CACNG2: variants seen among roughly 807,000 people sequenced by gnomAD.
CACNG2 encodes calcium voltage-gated channel auxiliary subunit gamma 2.
In CACNG2, 3 loss-of-function variants were observed where a neutral mutation model predicts 25.9. The observed-to-expected ratio is 0.12, with a 90% confidence interval of 0.05 to 0.30. The LOEUF is 0.30. Among genes scored for constraint, CACNG2 ranks in the 10% least tolerant of loss-of-function variants. The probability of loss-of-function intolerance (pLI) is 1.00; values close to 1 mark genes in which losing one functional copy is unlikely to be tolerated. For missense variants in CACNG2, 341 were observed against 432.5 expected, an observed-to-expected ratio of 0.79 and a Z score of 1.88; for synonymous variants, 167 against 173.3, an observed-to-expected ratio of 0.96 and a Z score of 0.29.
chr22:36,634,884 C>A lies in CACNG2; in HGVS notation c.212-47336G>T, dbSNP rs73884118. 5.5e-3 allele frequency among the ~76,000 whole-genome samples: 833 copies of A among 152,278 alleles called. 8 individuals are homozygous for A. Among genetic ancestry groups the A allele is most frequent in the African/African-American group, 0.019 (793 of 41,552 alleles). On this transcript the variant is annotated intron_variant, in intron 1 of 3. Coordinates refer to ENST00000300105, the MANE Select transcript of CACNG2 (RefSeq NM_006078.5). Reference sequence around the variant, plus strand: ...TGGAGTGAATGTCTCTGGGATTAACCATGAGAATTCAGAGGAAGAAGGTCC... The same window carrying A: ...TGGAGTGAATGTCTCTGGGATTAACAATGAGAATTCAGAGGAAGAAGGTCC...
intron 1 of CACNG2, among the ~76,000 whole-genome samples, chr22:36,636,293 G>A (rs913682327): frequency 2.0e-5 from 3 of 152,008 alleles, no homozygotes; most frequent in African/African-American, 7.3e-5. Flanking sequence ...TTACAAGCCC[G>A]TTCCTTCCCC....
intron 1 of CACNG2, among the ~76,000 whole-genome samples, chr22:36,596,018 C>G (rs1935672938): frequency 6.6e-6 from 1 of 152,230 alleles, no homozygotes; most frequent in African/African-American, 2.4e-5. Flanking sequence ...TGTCTTGTTT[C>G]TTTAGATACA....
intron 1 of CACNG2, among the ~76,000 whole-genome samples, chr22:36,646,380 T>C (rs1936524654): frequency 6.6e-6 from 1 of 152,178 alleles, no homozygotes; most frequent in African/African-American, 2.4e-5. Context: ...CAAGACCTTG[T>C]CTGCGAGCTG....
At chr22:36,605,023 C>T (rs900599732) in intron 1 of CACNG2, among the ~76,000 whole-genome samples, 20 of 152,170 alleles carry the variant, frequency 1.3e-4, no homozygotes, top group Admixed American at 1.0e-3. Flanking sequence ...AATCCTCCTG[C>T]CTCAGCCTCT....
intron 1 of CACNG2, among the ~76,000 whole-genome samples, chr22:36,633,407 G>A (rs1437727762): frequency 1.3e-5 from 2 of 152,184 alleles, no homozygotes; most frequent in East Asian, 1.9e-4. Flanking sequence ...GCAAAGCAAA[G>A]GTTAGAGCCA....
Position 36,610,304 on chromosome 22 carries a change from G to A in CACNG2, c.212-22756C>T, listed in dbSNP as rs901219178. On this transcript the variant is annotated intron_variant, in intron 1 of 3. Transcript: ENST00000300105. ...ATTGGGCAGGAATCAGCCGCTTAGA[G>A]CGTGATTGGGCAGGAATCAGCTCCC... is the stretch of plus-strand genomic sequence containing the variant. 6.0e-5 allele frequency among the ~76,000 whole-genome samples: 9 copies of A among 148,992 alleles called. 1 individual carries two copies. The highest frequency in any genetic ancestry group is 1.3e-4 in the Admixed American group (2 of 15,006).
chr22:36,669,443 G>A (rs1253068453), intron 1 of CACNG2, among the ~76,000 whole-genome samples: 1 of 148,770 alleles, frequency 6.7e-6, no homozygotes, highest in Non-Finnish European at 1.5e-5. Context: ...AGGAGGCAGA[G>A]GTTGCAGTGA....
chr22:36,671,332 C>G lies in CACNG2; in HGVS notation c.211+31034G>C, dbSNP rs151106694. ...AATAAGTAAAAATTAATCTGACAAT[C>G]TTGAAGCAGGCTGAAAAATATCACT... On this transcript the variant is annotated intron_variant, in intron 1 of 3. Coordinates refer to ENST00000300105, the MANE Select transcript of CACNG2 (RefSeq NM_006078.5). 1.6e-4 allele frequency among the ~76,000 whole-genome samples: 25 copies of G among 152,342 alleles called. No homozygotes were observed. In the East Asian group the frequency reaches 4.6e-3, roughly 28 times the overall value.
chr22:36,652,849 C>T (rs1358856255), intron 1 of CACNG2, among the ~76,000 whole-genome samples: 2 of 152,130 alleles, frequency 1.3e-5, no homozygotes, highest in Non-Finnish European at 2.9e-5. Flanking sequence ...ACTTTTCACA[C>T]CCCATCCCAA....
chr22:36,583,310 G>A (rs1168782320), intron 2 of CACNG2, among the ~76,000 whole-genome samples: 2 of 152,008 alleles, frequency 1.3e-5, no homozygotes, highest in Non-Finnish European at 2.9e-5. Context: ...GCGGGTGCCT[G>A]TAATCCCAGC....
At chr22:36,649,534 T>C (rs941018509) in intron 1 of CACNG2, among the ~76,000 whole-genome samples, 10 of 152,186 alleles carry the variant, frequency 6.6e-5, no homozygotes, top group Admixed American at 5.9e-4. Flanking sequence ...CCTTGTGATT[T>C]GCCCGCCTCA....
intron 1 of CACNG2, among the ~76,000 whole-genome samples, chr22:36,620,222 A>C (rs556361808): frequency 3.9e-5 from 6 of 152,308 alleles, no homozygotes; most frequent in African/African-American, 1.4e-4. Context: ...GTAGTTGGAC[A>C]CCTCACCTTT....
At chr22:36,692,382 G>A (rs1428854178) in intron 1 of CACNG2, among the ~76,000 whole-genome samples, 1 of 152,206 alleles carries the variant, frequency 6.6e-6, no homozygotes, top group Non-Finnish European at 1.5e-5. Flanking sequence ...GGGTTGCTAA[G>A]TCAGTGCCTC....
chr22:36,683,312 G>A (rs796866318), intron 1 of CACNG2, among the ~76,000 whole-genome samples: 7 of 152,324 alleles, frequency 4.6e-5, no homozygotes, highest in Admixed American at 1.3e-4. Context: ...ACACCCTCGG[G>A]TCAAAGTCCA....
chr22:36,572,500 G>C (rs1020142286), intron 2 of CACNG2, among the ~76,000 whole-genome samples: 1 of 152,112 alleles, frequency 6.6e-6, no homozygotes, highest in African/African-American at 2.4e-5. Flanking sequence ...TCAGGAGTTC[G>C]AGACCAGCAT....
intron 1 of CACNG2, among the ~76,000 whole-genome samples, chr22:36,682,008 G>T (rs1937131111): frequency 6.6e-6 from 1 of 152,180 alleles, no homozygotes; most frequent in South Asian, 2.1e-4. Flanking sequence ...CCATCTTCAT[G>T]GTGCTCAGCC....
chr22:36,694,092 G>C (rs118145459), intron 1 of CACNG2, among the ~76,000 whole-genome samples: 1,878 of 152,224 alleles, frequency 0.012, 44 homozygotes, highest in Non-Finnish European at 0.012. Context: ...CCTGAGTCAC[G>C]GGGCAGGCAC....
At chr22:36,581,085 A>C (rs942933714) in intron 2 of CACNG2, among the ~76,000 whole-genome samples, 1 of 152,112 alleles carries the variant, frequency 6.6e-6, no homozygotes, top group Non-Finnish European at 1.5e-5. Context: ...CACGCTCCTT[A>C]ATCTTTGGTT....
At chr22:36,581,072 C>T (rs1001397630) in intron 2 of CACNG2, among the ~76,000 whole-genome samples, 1 of 152,202 alleles carries the variant, frequency 6.6e-6, no homozygotes, top group Non-Finnish European at 1.5e-5. Flanking sequence ...CCTCGTTCCT[C>T]ACCACGCTCC....
Sources: gnomAD v4.1 joint callset for allele counts (sites outside exome capture counted in the v4.1 genomes callset) on GRCh38, gnomAD v4.1.1 for gene constraint, MANE v1.5 for transcripts, NCBI Gene and HGNC (gene_info 2026-07-23, HGNC 2026-07-21) for gene names.